SMCO4: variants seen among roughly 807,000 people sequenced by gnomAD.
SMCO4 encodes the protein single-pass membrane protein with coiled-coil domains 4, also known as single-pass membrane and coiled-coil domain-containing protein 4.
Under a neutral mutation model 3.6 loss-of-function variants are expected in SMCO4, and 4 were observed. The observed-to-expected ratio is 1.11, with a 90% CI of 0.54 to 2.53. SMCO4 has a LOEUF of 2.53. Ranked by LOEUF, SMCO4 falls within the 30% of genes most tolerant of loss-of-function variation. The pLI, the probability that SMCO4 is intolerant of heterozygous loss-of-function variation, is 0.02. For missense variants in SMCO4, 70 were observed against 80.8 expected, an observed-to-expected ratio of 0.87 and a Z score of 0.51; for synonymous variants, 36 against 35.3, an observed-to-expected ratio of 1.02 and a Z score of -0.07.
chr11:93,540,635 C>G (rs1949263886), intron 1 of SMCO4, among the ~76,000 whole-genome samples: 1 of 152,188 alleles, frequency 6.6e-6, no homozygotes, highest in Admixed American at 6.5e-5. Flanking sequence ...AACTTATGCA[C>G]GACAGCTGTA....
intron 2 of SMCO4, among the ~76,000 whole-genome samples, chr11:93,498,504 G>A (rs1232470623): frequency 1.3e-5 from 2 of 152,208 alleles, no homozygotes; most frequent in Non-Finnish European, 2.9e-5. Context: ...GGAGAAGGGG[G>A]CTGGGGAGCT....
chr11:93,520,267 T>G (rs1045394007), intron 1 of SMCO4, among the ~76,000 whole-genome samples: 1 of 152,224 alleles, frequency 6.6e-6, no homozygotes, highest in Non-Finnish European at 1.5e-5. Flanking sequence ...TCTGGGCTCC[T>G]GGAAAGACCT....
chr11:93,508,033 T>C (rs930057664), intron 1 of SMCO4, among the ~76,000 whole-genome samples: 4 of 152,264 alleles, frequency 2.6e-5, no homozygotes, highest in African/African-American at 9.6e-5. Context: ...TTTATTGTTA[T>C]ATTTAAACAA....
At chr11:93,505,870 T>TGAC (rs1408241488) in intron 1 of SMCO4, among the ~76,000 whole-genome samples, 1 of 151,744 alleles carries the variant, frequency 6.6e-6, no homozygotes, top group Non-Finnish European at 1.5e-5. Flanking sequence ...ATGATGATGA[T>TGAC]GATGATGATG....
At chr11:93,534,717 AG>A (rs1949202791) in intron 1 of SMCO4, among the ~76,000 whole-genome samples, 1 of 152,104 alleles carries the variant, frequency 6.6e-6, no homozygotes. Context: ...CAATAGGTAA[AG>A]GACTCTGTGG....
rs545763480 is a variant in SMCO4, at chr11:93,535,361, C to T, written c.-154+7915G>A. 4.4e-6 allele frequency: 3 copies of T among 678,210 alleles called. No homozygotes were observed. In the South Asian group the frequency reaches 5.4e-5, roughly 12 times the overall value. 42.0% of individuals were successfully genotyped at this position (678,210 alleles called of 1,614,324 possible). A position where few individuals can be genotyped will look rare whatever the true frequency, so the allele number is the denominator to read the frequency against. ...CCTCATCTTCTATAGTTGCTATGGA[C>T]CCACCACTCTTAACATCTACGATCT... On this transcript the variant is annotated intron_variant, in intron 1 of 2. Coordinates refer to ENST00000298966, the MANE Select transcript of SMCO4 (RefSeq NM_020179.3).
At chr11:93,551,069 A>C in the SMCO4 span, among the ~76,000 whole-genome samples, 2 of 152,226 alleles carry the variant, frequency 1.3e-5, no homozygotes, top group East Asian at 1.9e-4. Context: ...CACCTAGTAC[A>C]TGCAGGCAAT....
intron 1 of SMCO4, among the ~76,000 whole-genome samples, chr11:93,507,332 G>A (rs1272015583): frequency 1.3e-5 from 2 of 152,116 alleles, no homozygotes; most frequent in Non-Finnish European, 2.9e-5. Flanking sequence ...CCCGGGAAGC[G>A]GAGGTTGCAA....
At chr11:93,480,625 A>T (rs376973113) in intron 2 of SMCO4, among the ~76,000 whole-genome samples, 1 of 152,220 alleles carries the variant, frequency 6.6e-6, no homozygotes, top group Non-Finnish European at 1.5e-5. Context: ...TGGAAGCAGA[A>T]GAGCACTGAA....
intron 1 of SMCO4, among the ~76,000 whole-genome samples, chr11:93,510,764 C>T (rs1948949493): frequency 6.6e-6 from 1 of 152,184 alleles, no homozygotes; most frequent in African/African-American, 2.4e-5. Context: ...GCCAGCAGCT[C>T]TTCATCTAGT....
chr11:93,506,072 C>T (rs1948897901), intron 1 of SMCO4, among the ~76,000 whole-genome samples: 2 of 152,108 alleles, frequency 1.3e-5, no homozygotes, highest in Non-Finnish European at 2.9e-5. Flanking sequence ...TACACACATA[C>T]ACACCTATAC....
chr11:93,543,940 G>A (rs1309536931), upstream of SMCO4, among the ~76,000 whole-genome samples: 1 of 152,212 alleles, frequency 6.6e-6, no homozygotes, highest in African/African-American at 2.4e-5. Context: ...TAACTTACAC[G>A]TGCATATGTG....
At chr11:93,533,058 CG>C (rs1949178674) in intron 1 of SMCO4, among the ~76,000 whole-genome samples, 3 of 152,230 alleles carry the variant, frequency 2.0e-5, no homozygotes, top group Admixed American at 2.0e-4. Context: ...GAGGGCCAAA[CG>C]GAGAGGCAGA....
At chr11:93,483,140 G>C (rs1475170867) in intron 2 of SMCO4, among the ~76,000 whole-genome samples, 2 of 152,190 alleles carry the variant, frequency 1.3e-5, no homozygotes, top group African/African-American at 4.8e-5. Context: ...GGGACTAAAG[G>C]CTTCTGTTTT....
chr11:93,523,784 C>T (rs1359860927), intron 1 of SMCO4, among the ~76,000 whole-genome samples: 1 of 152,202 alleles, frequency 6.6e-6, no homozygotes, highest in Non-Finnish European at 1.5e-5. Flanking sequence ...ACCCCGCTTT[C>T]TAAAATCGTG....
At chr11:93,552,644 G>T in the SMCO4 span, among the ~76,000 whole-genome samples, 1 of 151,130 alleles carries the variant, frequency 6.6e-6, no homozygotes, top group Non-Finnish European at 1.5e-5. Flanking sequence ...GCTAATTTTT[G>T]TATTTTTAGT....
intron 1 of SMCO4, among the ~76,000 whole-genome samples, chr11:93,541,579 G>GA (rs1366485962): frequency 5.9e-5 from 9 of 152,116 alleles, no homozygotes; most frequent in Admixed American, 1.3e-4. Flanking sequence ...CTCCAAGCTT[G>GA]AAGATTAAAC....
At chr11:93,551,830 A>G in the SMCO4 span, among the ~76,000 whole-genome samples, 1 of 152,210 alleles carries the variant, frequency 6.6e-6, no homozygotes, top group Non-Finnish European at 1.5e-5. Flanking sequence ...TAGGCAAAGT[A>G]AGCATGATTT....
intron 1 of SMCO4, among the ~76,000 whole-genome samples, chr11:93,515,266 C>T (rs936672664): frequency 7.9e-5 from 12 of 152,052 alleles, no homozygotes; most frequent in Admixed American, 4.6e-4. Flanking sequence ...AGAATTTTAA[C>T]GAGAAAACCA....
Sources: allele counts gnomAD v4.1 joint callset (sites outside exome capture counted in the v4.1 genomes callset), GRCh38; gene constraint gnomAD v4.1.1; transcripts MANE v1.5; gene names NCBI Gene and HGNC (gene_info 2026-07-23, HGNC 2026-07-21).